CLSTN2: variants seen among roughly 807,000 people sequenced by gnomAD.
CLSTN2 encodes calsyntenin 2.
CLSTN2 carries 48 observed loss-of-function variants against 101.2 expected under a neutral mutation model. That is an observed-to-expected ratio of 0.47 (90% confidence interval 0.38 to 0.60). CLSTN2 has a LOEUF of 0.60. Ranked by LOEUF, CLSTN2 falls within the 20% of genes least tolerant of loss-of-function variation. CLSTN2 has a pLI of 0.00. For missense variants in CLSTN2, 1,160 were observed against 1,238.2 expected, an observed-to-expected ratio of 0.94 and a Z score of 0.95; for synonymous variants, 481 against 463.6, an observed-to-expected ratio of 1.04 and a Z score of -0.48.
At chr3:139,985,928 G>C (rs1237185755) in intron 1 of CLSTN2, among the ~76,000 whole-genome samples, 1 of 152,170 alleles carries the variant, frequency 6.6e-6, no homozygotes, top group Non-Finnish European at 1.5e-5. Context: ...ATTTAATTTT[G>C]ATGAATTTAA....
intron 1 of CLSTN2, among the ~76,000 whole-genome samples, chr3:140,016,795 A>G (rs1472898816): frequency 2.0e-5 from 2 of 102,346 alleles, no homozygotes; most frequent in Admixed American, 1.4e-4. Context: ...GAGACTCTGA[A>G]AAAAAAAAAA....
chr3:140,552,919 T>C (rs1935731775), intron 10 of CLSTN2, among the ~76,000 whole-genome samples: 1 of 152,224 alleles, frequency 6.6e-6, no homozygotes, highest in Non-Finnish European at 1.5e-5. Context: ...AGATGGTATT[T>C]GTAGAACAAG....
rs373970236 is a variant in CLSTN2 at position 140,562,244 on chromosome 3, C to T, written c.2148C>T (p.Asn716=). The change falls in exon 13 of 17, where the codon AAC becomes AAT. Residue 716 remains asparagine, a synonymous_variant. Transcript: ENST00000458420. ...LDPRQECLEL[N]HSELHQRHLD... ...CAAGGCAGGAGTGCTTGGAGCTCAA[C>T]CACAGTGAGCTCCACCAACGACACC... The T allele has an allele frequency of 9.9e-6, 16 of 1,613,500 alleles. No homozygotes were observed. Among genetic ancestry groups the T allele is most frequent in the Non-Finnish European group, 1.4e-5 (16 of 1,179,436 alleles).
At chr3:140,445,593 G>A (rs2108006855) in intron 5 of CLSTN2, among the ~76,000 whole-genome samples, 1 of 152,322 alleles carries the variant, frequency 6.6e-6, no homozygotes, top group African/African-American at 2.4e-5. Context: ...AGGGTTTGGG[G>A]AGAGAGGAGA....
intron 1 of CLSTN2, among the ~76,000 whole-genome samples, chr3:140,043,903 T>C (rs1482334139): frequency 6.6e-6 from 1 of 152,208 alleles, no homozygotes; most frequent in Non-Finnish European, 1.5e-5. Flanking sequence ...TTGGTACCAG[T>C]ACCATGCTGT....
chr3:140,060,199 C>A (rs1432472807), intron 1 of CLSTN2, among the ~76,000 whole-genome samples: 1 of 152,176 alleles, frequency 6.6e-6, no homozygotes, highest in Non-Finnish European at 1.5e-5. Context: ...TATAGCCTGG[C>A]ACTGAGAGAA....
intron 2 of CLSTN2, among the ~76,000 whole-genome samples, chr3:140,349,917 T>C (rs2087587543): frequency 6.6e-6 from 1 of 152,220 alleles, no homozygotes; most frequent in Admixed American, 6.5e-5. Context: ...ATGGTATCTC[T>C]ATCCAAGACC....
At chr3:140,078,222 C>CT (rs1402633604) in intron 1 of CLSTN2, among the ~76,000 whole-genome samples, 1 of 152,148 alleles carries the variant, frequency 6.6e-6, no homozygotes, top group African/African-American at 2.4e-5. Context: ...AATCCTTAAC[C>CT]TTTCATTGGT....
At chr3:140,353,067 C>T (rs2087627855) in intron 2 of CLSTN2, among the ~76,000 whole-genome samples, 1 of 151,932 alleles carries the variant, frequency 6.6e-6, no homozygotes, top group Non-Finnish European at 1.5e-5. Context: ...GATATTAAAA[C>T]TTATTATAAG....
At chr3:139,965,497 C>A (rs956897996) in intron 1 of CLSTN2, among the ~76,000 whole-genome samples, 7 of 152,172 alleles carry the variant, frequency 4.6e-5, no homozygotes, top group East Asian at 3.9e-4. Context: ...CAGGGCCTCC[C>A]TTCTGGCGAG....
intron 1 of CLSTN2, among the ~76,000 whole-genome samples, chr3:140,000,326 A>C (rs891081482): frequency 6.6e-6 from 1 of 152,238 alleles, no homozygotes; most frequent in African/African-American, 2.4e-5. Flanking sequence ...GTTAGCACTT[A>C]TTAATATTTT....
At chr3:140,114,338 G>A (rs1251680300) in intron 1 of CLSTN2, among the ~76,000 whole-genome samples, 1 of 152,126 alleles carries the variant, frequency 6.6e-6, no homozygotes, top group African/African-American at 2.4e-5. Context: ...CCTACAGGCT[G>A]GATTAGGTCT....
chr3:140,442,056 C>T (rs148746973), intron 5 of CLSTN2, among the ~76,000 whole-genome samples: 1 of 152,304 alleles, frequency 6.6e-6, no homozygotes, highest in Non-Finnish European at 1.5e-5. Flanking sequence ...CAGCATTCCT[C>T]TCATTCTGCA....
chr3:140,032,009 G>A (rs540341442), intron 1 of CLSTN2, among the ~76,000 whole-genome samples: 2 of 152,236 alleles, frequency 1.3e-5, no homozygotes, highest in African/African-American at 4.8e-5. Context: ...GTAGCGATGG[G>A]AACACTGTTA....
At chr3:140,278,577 G>A (rs955690298) in intron 2 of CLSTN2, among the ~76,000 whole-genome samples, 1 of 152,158 alleles carries the variant, frequency 6.6e-6, no homozygotes, top group Admixed American at 6.5e-5. Context: ...AGCACTGTGC[G>A]GCTTCATTAC....
At chr3:140,005,101 G>T (rs972020963) in intron 1 of CLSTN2, among the ~76,000 whole-genome samples, 48 of 152,306 alleles carry the variant, frequency 3.2e-4, no homozygotes, top group African/African-American at 1.0e-3. Flanking sequence ...CTGAAGCTGA[G>T]CTCCAAGAAC....
chr3:139,942,023 G>C (rs1332412746), intron 1 of CLSTN2, among the ~76,000 whole-genome samples: 1 of 152,106 alleles, frequency 6.6e-6, no homozygotes, highest in Non-Finnish European at 1.5e-5. Context: ...TAAAACTGGG[G>C]TTACAAACTC....
rs911699189 is a variant in CLSTN2, at chr3:140,569,681, T to A, written c.*3428T>A. The A allele has an allele frequency of 6.6e-6, 1 of 152,182 alleles. No homozygotes were observed. Among genetic ancestry groups the A allele is most frequent in the Non-Finnish European group, 1.5e-5 (1 of 68,040 alleles). 9.4% of individuals were successfully genotyped at this position (152,182 alleles called of 1,614,324 possible). On this transcript the variant is annotated 3_prime_UTR_variant, in exon 17 of 17. Transcript: ENST00000458420. ...TTTTCATTGCCGCTTTCTTTTGTTG[T>A]TGTTTGTTTTTTGAGCCAGAGTCTT...
rs562017001 is a variant in CLSTN2 at position 140,233,288 on chromosome 3, C to T, written c.232+57215C>T. On this transcript the variant is annotated intron_variant, in intron 2 of 16. Coordinates refer to ENST00000458420, the MANE Select transcript of CLSTN2 (RefSeq NM_022131.3). ...ACTGACACTTGGTCGACTCCGCATT[C>T]GCCAAGTCCTCAGGTCTCAACAGAG... 1.6e-4 allele frequency among the ~76,000 whole-genome samples: 24 copies of T among 152,280 alleles called. 1 individual carries two copies. Among genetic ancestry groups the T allele is most frequent in the South Asian group, 6.2e-4 (3 of 4,820 alleles).
Sources: allele counts gnomAD v4.1 joint callset (sites outside exome capture counted in the v4.1 genomes callset), GRCh38; gene constraint gnomAD v4.1.1; transcripts MANE v1.5; gene names NCBI Gene and HGNC (gene_info 2026-07-23, HGNC 2026-07-21).